EDARADD: variants seen among roughly 807,000 people sequenced by gnomAD.
EDARADD encodes the protein ectodysplasin-A receptor-associated adapter protein.
In EDARADD, 20 loss-of-function variants were observed where a neutral mutation model predicts 25.6. The ratio of observed to expected loss-of-function variants is 0.78; its 90% confidence interval spans 0.55 to 1.14. The LOEUF is 1.14. Ranked by LOEUF, EDARADD falls within the 50% of genes most tolerant of loss-of-function variation. The probability of loss-of-function intolerance (pLI) is 0.00; values close to 1 mark genes in which losing one functional copy is unlikely to be tolerated. For synonymous variants in EDARADD, 86 were observed against 94.4 expected (o/e 0.91, Z 0.52); for missense variants, 225 against 270.1 (o/e 0.83, Z 1.17).
At chr1:236,440,624 C>T (rs1658373335) in intron 4 of EDARADD, among the ~76,000 whole-genome samples, 6 of 151,392 alleles carry the variant, frequency 4.0e-5, no homozygotes, top group Admixed American at 3.3e-4. Context: ...TTGTGTCAAG[C>T]GACTCTTGCT....
At chr1:236,474,731 T>C (rs1659455311) in intron 5 of EDARADD, among the ~76,000 whole-genome samples, 1 of 152,246 alleles carries the variant, frequency 6.6e-6, no homozygotes, top group East Asian at 1.9e-4. Flanking sequence ...CCAGGGACAA[T>C]GCACAGTTCT....
intron 5 of EDARADD, among the ~76,000 whole-genome samples, chr1:236,473,475 C>T (rs1169192063): frequency 6.6e-6 from 1 of 151,994 alleles, no homozygotes; most frequent in East Asian, 1.9e-4. Context: ...CTTTCTTCTG[C>T]CTCCTTCAAA....
intron 3 of EDARADD, among the ~76,000 whole-genome samples, chr1:236,424,567 A>G (rs1387921957): frequency 6.6e-6 from 1 of 151,970 alleles, no homozygotes; most frequent in Admixed American, 6.5e-5. Context: ...CTCTGCTCAT[A>G]TTGATAAATT....
chr1:236,459,473 A>T (rs1658980871), intron 4 of EDARADD, among the ~76,000 whole-genome samples: 1 of 152,190 alleles, frequency 6.6e-6, no homozygotes, highest in Non-Finnish European at 1.5e-5. Flanking sequence ...CTCCAGAAGA[A>T]GCAGGTCTTC....
At chr1:236,361,229 C>T (rs1667043971) in intron 3 of EDARADD, among the ~76,000 whole-genome samples, 1 of 152,172 alleles carries the variant, frequency 6.6e-6, no homozygotes, top group Non-Finnish European at 1.5e-5. Flanking sequence ...ATCCCTTTCC[C>T]CTACGCCACC....
At chr1:236,406,336 C>T (rs751809594) in intron 1 of EDARADD, among the ~76,000 whole-genome samples, 2 of 152,154 alleles carry the variant, frequency 1.3e-5, no homozygotes, top group Non-Finnish European at 2.9e-5. Context: ...GCTGTAAGGA[C>T]TCATCTGAAG....
chr1:236,355,525 T>C (rs965016909), intron 3 of EDARADD, among the ~76,000 whole-genome samples: 3 of 144,926 alleles, frequency 2.1e-5, no homozygotes, highest in South Asian at 2.2e-4. Context: ...TTTTTTTTTT[T>C]TGAGACAGAG....
At chr1:236,401,493 G>A (rs1056537033) in intron 1 of EDARADD, among the ~76,000 whole-genome samples, 5 of 152,160 alleles carry the variant, frequency 3.3e-5, no homozygotes, top group African/African-American at 9.7e-5. Context: ...TGTCTGTTTC[G>A]GGTTATGTGC....
rs750898937 is a variant in EDARADD, at chr1:236,463,719, G to A, written c.220-4512G>A. Among the ~76,000 whole-genome samples the A allele has an allele frequency of 3.9e-5, 6 of 152,158 alleles. No homozygotes were observed. The East Asian group carries it at 5.8e-4, about 15-fold the overall frequency. On this transcript the variant is annotated intron_variant, in intron 4 of 5. Transcript: ENST00000334232. ...AACTGAAATTCTGTACCCATTGAAC[G>A]GTAACTCCCCATTCCCCATTTCTGC...
chr1:236,396,106 G>GAAAT (rs1276624600), intron 1 of EDARADD, among the ~76,000 whole-genome samples: 2 of 152,150 alleles, frequency 1.3e-5, no homozygotes, highest in African/African-American at 4.8e-5. Context: ...GCACTTTGAT[G>GAAAT]AAATGGTTTT....
intron 3 of EDARADD, among the ~76,000 whole-genome samples, chr1:236,385,277 T>C (rs1012548716): frequency 1.3e-4 from 19 of 150,618 alleles, no homozygotes; most frequent in South Asian, 4.2e-4. Context: ...GGCGTGGTGG[T>C]GGGTGCCTGT....
At chr1:236,414,104 A>G (rs1224746257) in intron 2 of EDARADD, among the ~76,000 whole-genome samples, 156 bp from the exon 3 acceptor site, 2 of 152,252 alleles carry the variant, frequency 1.3e-5, no homozygotes, top group Non-Finnish European at 2.9e-5. Context: ...GACTGAGAAT[A>G]AACACAATCA....
rs1349560937 is a variant in EDARADD at position 236,398,218 on chromosome 1, G to A, written c.61+3713G>A. Among the ~76,000 whole-genome samples, 2 of 152,130 alleles carry A rather than the reference G, an allele frequency of 1.3e-5. No individual in the cohort carries two copies. Among genetic ancestry groups the A allele is most frequent in the South Asian group, 2.1e-4 (1 of 4,800 alleles). ...CCACTCACTGCAACCTCCGCCTCCC[G>A]GGTTCAAGAGATTCTCCTGTCTCAG... On this transcript the variant is annotated intron_variant, in intron 1 of 5. Coordinates refer to ENST00000334232, the MANE Select transcript of EDARADD (RefSeq NM_145861.4). This position sits in a 1 kb window ranked among gnomAD's most constrained non-coding sequence, Gnocchi z 4.1.
intron 1 of EDARADD, among the ~76,000 whole-genome samples, chr1:236,396,436 C>T (rs540816223): frequency 2.5e-4 from 38 of 152,296 alleles, no homozygotes; most frequent in African/African-American, 6.3e-4. Flanking sequence ...TGGGGCTTTA[C>T]TTGGTTTTGT....
chr1:236,411,901 T>A (rs1332837701), intron 2 of EDARADD, among the ~76,000 whole-genome samples: 1 of 152,160 alleles, frequency 6.6e-6, no homozygotes, highest in African/African-American at 2.4e-5. Context: ...GGGCCTACCC[T>A]CCTCATAACT....
Position 236,482,347 on chromosome 1 carries a change from C to A in EDARADD, c.346C>A (p.Leu116Ile). Residue 116 changes from leucine (L) to isoleucine (I), a missense_variant, in exon 6 of 6, where the codon CTC (leucine) becomes ATC (isoleucine). Physicochemically the swap from Leu to Ile is conservative, Grantham distance 5. Coordinates refer to ENST00000334232, the MANE Select transcript of EDARADD (RefSeq NM_145861.4). ...CCGGGCCCCCACCATAAGTGACTTG[C>A]TCAATGATCAGGACTTACTAGACGT... The part of the protein sequence containing the change: ...LLRAPTISDL[L>I]NDQDLLDVIR... 1 of 1,614,148 alleles carries A rather than the reference C, an allele frequency of 6.2e-7. No individual in the cohort carries two copies. Among genetic ancestry groups the A allele is most frequent in the Admixed American group, 1.7e-5 (1 of 59,996 alleles).
chr1:236,483,339 G>A lies in EDARADD; in HGVS notation c.*690G>A, dbSNP rs1171170679. The stretch of plus-strand genomic sequence containing the variant: ...GGACAATGATAAGACTCGCTATATG[G>A]GGAAGGGTGTCTCAAAGCCTGTTGA... On this transcript the variant is annotated 3_prime_UTR_variant, in exon 6 of 6. Transcript: ENST00000334232. 2 of 1,586,892 alleles carry A rather than the reference G, an allele frequency of 1.3e-6. No individual in the cohort carries two copies. The highest frequency in any genetic ancestry group is 2.7e-5 in the African/African-American group (2 of 74,112).
In EDARADD at chr1:236,483,789, G is replaced by A; in HGVS notation, c.*1140G>A. 2 of 1,459,672 alleles carry A rather than the reference G, an allele frequency of 1.4e-6. No homozygotes were observed. The highest frequency in any genetic ancestry group is 2.3e-5 in the South Asian group (2 of 87,836). 90.4% of individuals were successfully genotyped at this position (1,459,672 alleles called of 1,614,324 possible). A position where few individuals can be genotyped will look rare whatever the true frequency, so the allele number is the denominator to read the frequency against. The stretch of plus-strand genomic sequence containing the variant: ...TGGGAAAGATGCCACCGGTGTGGGG[G>A]ATGGAGGCGCGTTTGCTCCCAACAT... On this transcript the variant is annotated 3_prime_UTR_variant, in exon 6 of 6. Coordinates refer to ENST00000334232, the MANE Select transcript of EDARADD (RefSeq NM_145861.4).
chr1:236,413,932 A>G (rs1488332655), intron 2 of EDARADD, among the ~76,000 whole-genome samples: 1 of 152,198 alleles, frequency 6.6e-6, no homozygotes. Context: ...TGTCCTCATA[A>G]TTCATGACAA....
Sources: gnomAD v4.1 joint callset for allele counts (sites outside exome capture counted in the v4.1 genomes callset) on GRCh38, gnomAD v4.1.1 for gene constraint, Gnocchi (gnomAD v3.1) non-coding constraint, MANE v1.5 for transcripts, NCBI Gene and HGNC (gene_info 2026-07-23, HGNC 2026-07-21) for gene names.